The following WDR27 variants were observed in gnomAD, a reference collection of about 807,000 sequenced individuals.
WDR27 encodes the protein WD repeat domain 27, also known as WD repeat-containing protein 27.
In WDR27, 100 loss-of-function variants were observed where a neutral mutation model predicts 114.4. That is an observed-to-expected ratio of 0.87 (90% CI 0.74 to 1.03). The LOEUF (loss-of-function observed/expected upper bound fraction) is 1.03. Among genes scored for constraint, WDR27 ranks in the 50% least tolerant of loss-of-function variants. WDR27 has a pLI of 0.00. For synonymous variants in WDR27, 449 were observed against 423.1 expected (o/e 1.06, Z -0.75); for missense variants, 1,129 against 1,092.9 (o/e 1.03, Z -0.47).
the WDR27 span, among the ~76,000 whole-genome samples, chr6:169,446,952 T>C: frequency 6.6e-6 from 1 of 152,266 alleles, no homozygotes; most frequent in African/African-American, 2.4e-5. Flanking sequence ...AAGTTGGTCT[T>C]TCTAAAATGG....
chr6:169,428,999 C>G, the WDR27 span, among the ~76,000 whole-genome samples: 2 of 152,296 alleles, frequency 1.3e-5, no homozygotes, highest in Non-Finnish European at 2.9e-5. Context: ...GCGTCCCAGA[C>G]AAAACTCCCA....
At position 169,638,675 on chromosome 6, in the gene WDR27, C is replaced by A. The variant is rs1400083072; in HGVS notation, c.1748-15G>T. On this transcript the variant is annotated splice_polypyrimidine_tract_variant and intron_variant, in intron 17 of 25. Transcript: ENST00000448612. The stretch of plus-strand genomic sequence containing the variant: ...CCCGTCGTGACCTAACAGGAATGAC[C>A]ACAGAAGGTTACTATTTCTACTATT... The A allele has an allele frequency of 1.3e-6, 2 of 1,591,278 alleles. No homozygotes were observed. Among genetic ancestry groups the A allele is most frequent in the East Asian group, 2.3e-5 (1 of 43,738 alleles).
intron 25 of WDR27, among the ~76,000 whole-genome samples, chr6:169,458,287 T>C (rs1014120018): frequency 6.6e-6 from 1 of 152,128 alleles, no homozygotes; most frequent in Admixed American, 6.5e-5. Flanking sequence ...ATCCTCCAAA[T>C]GTCAGGGACC....
chr6:169,666,873 G>C (rs1016932439), intron 6 of WDR27: 4 of 985,448 alleles, frequency 4.1e-6, no homozygotes, highest in Non-Finnish European at 4.8e-6. Flanking sequence ...CATTTTATCT[G>C]ACAGCAAACG....
intron 23 of WDR27, among the ~76,000 whole-genome samples, chr6:169,587,183 C>G (rs1384191675): frequency 6.7e-6 from 1 of 149,304 alleles, no homozygotes; most frequent in Non-Finnish European, 1.5e-5. Flanking sequence ...AAAACCTGTT[C>G]AGGAAGATAT....
chr6:169,495,344 C>G (rs1051588790), intron 25 of WDR27, among the ~76,000 whole-genome samples: 1 of 151,804 alleles, frequency 6.6e-6, no homozygotes, highest in East Asian at 1.9e-4. Context: ...CATTTATAAA[C>G]AAGAAGATTC....
intron 2 of WDR27, among the ~76,000 whole-genome samples, chr6:169,683,196 C>T (rs1271364766): frequency 6.6e-6 from 1 of 152,212 alleles, no homozygotes; most frequent in African/African-American, 2.4e-5. Flanking sequence ...TATCTACGTA[C>T]TGGAAGGTCA....
intron 3 of WDR27, chr6:169,671,239 T>C (rs1778670113): frequency 6.4e-6 from 1 of 155,278 alleles, no homozygotes; most frequent in African/African-American, 2.4e-5. Context: ...CAAGGTCATC[T>C]GGTCCTAGTG....
At chr6:169,639,027 T>TGGGTACTGCGTGGTGCC (rs1818457518) in intron 17 of WDR27, among the ~76,000 whole-genome samples, 1 of 128,788 alleles carries the variant, frequency 7.8e-6, no homozygotes, top group African/African-American at 2.5e-5. Flanking sequence ...TGCGTGGTGC[T>TGGGTACTGCGTGGTGCC]GGGTACTGCG....
intron 22 of WDR27, among the ~76,000 whole-genome samples, chr6:169,612,931 GT>G (rs1470784508): frequency 1.3e-5 from 2 of 152,242 alleles, no homozygotes; most frequent in South Asian, 4.1e-4. Flanking sequence ...CTGCCTGTAA[GT>G]TTTATTATTG....
At chr6:169,522,135 A>G (rs1206772058) in intron 25 of WDR27, among the ~76,000 whole-genome samples, 1 of 152,100 alleles carries the variant, frequency 6.6e-6, no homozygotes, top group Non-Finnish European at 1.5e-5. Flanking sequence ...GAAGGGGTGG[A>G]AAAAGATATT....
intron 25 of WDR27, chr6:169,558,435 A>G (rs1349229734): frequency 6.6e-6 from 1 of 152,178 alleles, no homozygotes; most frequent in Non-Finnish European, 1.5e-5. Context: ...GAGTTCGAGA[A>G]TAAGCACCAG....
intron 25 of WDR27, among the ~76,000 whole-genome samples, chr6:169,550,193 GT>G (rs1797916889): frequency 1.3e-5 from 2 of 152,256 alleles, no homozygotes; most frequent in African/African-American, 4.8e-5. Context: ...AAAAGAATTT[GT>G]TTAAGTAAAC....
chr6:169,578,887 C>A (rs1324742748), intron 24 of WDR27, among the ~76,000 whole-genome samples: 2 of 152,180 alleles, frequency 1.3e-5, no homozygotes, highest in Admixed American at 1.3e-4. Flanking sequence ...GCCTGATAGA[C>A]ACCTGTGTTA....
the WDR27 span, among the ~76,000 whole-genome samples, chr6:169,431,490 T>C: frequency 6.6e-6 from 1 of 152,170 alleles, no homozygotes; most frequent in African/African-American, 2.4e-5. Flanking sequence ...GGAGCTCCCA[T>C]TTTTATATTG....
chr6:169,523,436 C>T (rs1467846095), intron 25 of WDR27, among the ~76,000 whole-genome samples: 4 of 151,980 alleles, frequency 2.6e-5, no homozygotes, highest in African/African-American at 9.7e-5. Flanking sequence ...CTAAACTCAT[C>T]CTATGAGGCC....
rs533689073 is a variant in WDR27, at chr6:169,684,304, A to G, written c.189+4513T>C. On this transcript the variant is annotated intron_variant, in intron 2 of 25. Coordinates refer to ENST00000448612, the MANE Select transcript of WDR27 (RefSeq NM_182552.5). This position sits in a 1 kb window ranked among gnomAD's most constrained non-coding sequence, Gnocchi z 4.3. ...TCACCCCTGGGCCAGCAGAGTTGCTAAACACCTGTGCTCAGGACCTGGGAA... is the reference window on the plus strand; with the variant it reads ...TCACCCCTGGGCCAGCAGAGTTGCTGAACACCTGTGCTCAGGACCTGGGAA... Among the ~76,000 whole-genome samples the G allele has an allele frequency of 1.3e-5, 2 of 152,254 alleles. No homozygotes were observed. Among genetic ancestry groups the G allele is most frequent in the South Asian group, 2.1e-4 (1 of 4,818 alleles).
chr6:169,556,543 T>C (rs1417258216), intron 25 of WDR27, among the ~76,000 whole-genome samples: 1 of 152,196 alleles, frequency 6.6e-6, no homozygotes, highest in Non-Finnish European at 1.5e-5. Flanking sequence ...CAGAAGAATA[T>C]CTTCTCAGTC....
chr6:169,544,419 T>C (rs1797197903), intron 25 of WDR27, among the ~76,000 whole-genome samples: 1 of 148,802 alleles, frequency 6.7e-6, no homozygotes, highest in Admixed American at 7.0e-5. Context: ...CAGTCTCATT[T>C]CTTTTCCTTT....
Sources: allele counts gnomAD v4.1 joint callset (sites outside exome capture counted in the v4.1 genomes callset), GRCh38; gene constraint gnomAD v4.1.1; non-coding constraint Gnocchi (gnomAD v3.1); transcripts MANE v1.5; gene names NCBI Gene and HGNC (gene_info 2026-07-23, HGNC 2026-07-21).